XPNPEP3: variants seen among roughly 807,000 people sequenced by gnomAD.
XPNPEP3 encodes the protein X-prolyl aminopeptidase 3.
A neutral mutation model predicts 60.0 loss-of-function variants in XPNPEP3; 41 were observed. That is an observed-to-expected ratio of 0.68 (90% confidence interval 0.53 to 0.89). XPNPEP3 has a LOEUF of 0.89. Ranked by LOEUF, XPNPEP3 falls within the 40% of genes least tolerant of loss-of-function variation. The pLI, the probability that XPNPEP3 is intolerant of heterozygous loss-of-function variation, is 0.00. For missense variants in XPNPEP3, 598 were observed against 638.9 expected, an observed-to-expected ratio of 0.94 and a Z score of 0.69; for synonymous variants, 212 against 223.2, an observed-to-expected ratio of 0.95 and a Z score of 0.45.
intron 2 of XPNPEP3, chr22:40,870,360 T>C (rs1234652574): frequency 4.2e-6 from 1 of 237,124 alleles, no homozygotes; most frequent in Non-Finnish European, 8.6e-6. Context: ...GTATCTAGAT[T>C]TTTTTGCTCT....
intron 4 of XPNPEP3, among the ~76,000 whole-genome samples, chr22:40,904,223 G>C (rs2058145750): frequency 6.6e-6 from 1 of 152,132 alleles, no homozygotes; most frequent in Non-Finnish European, 1.5e-5. Flanking sequence ...GGTAGCATTT[G>C]AACTGCATAT....
At chr22:40,924,775 A>C (rs1347167033) in intron 9 of XPNPEP3, among the ~76,000 whole-genome samples, 1 of 152,168 alleles carries the variant, frequency 6.6e-6, no homozygotes, top group Non-Finnish European at 1.5e-5. Flanking sequence ...CACCTATCTC[A>C]GTCTCCCAAA....
intron 1 of XPNPEP3, among the ~76,000 whole-genome samples, chr22:40,858,579 G>A (rs2057920126): frequency 6.9e-6 from 1 of 145,118 alleles, no homozygotes; most frequent in Admixed American, 7.0e-5. Context: ...GCCCAGGCTG[G>A]AGTGCAGTGG....
At chr22:40,909,547 T>G (rs1328548249) in intron 6 of XPNPEP3, among the ~76,000 whole-genome samples, 1 of 152,060 alleles carries the variant, frequency 6.6e-6, no homozygotes, top group Non-Finnish European at 1.5e-5. Context: ...GGTGAATCGC[T>G]TGAGGTCAGG....
chr22:40,878,835 G>A (rs570995638), intron 2 of XPNPEP3, among the ~76,000 whole-genome samples: 1 of 152,196 alleles, frequency 6.6e-6, no homozygotes, highest in Admixed American at 6.5e-5. Flanking sequence ...TGATCTGCCT[G>A]CCTCGGCCTC....
intron 7 of XPNPEP3, among the ~76,000 whole-genome samples, chr22:40,918,488 A>G (rs2058204537): frequency 6.6e-6 from 1 of 152,126 alleles, no homozygotes; most frequent in Admixed American, 6.5e-5. Flanking sequence ...CCTAGCCAAC[A>G]TGGTGAAACC....
intron 2 of XPNPEP3, among the ~76,000 whole-genome samples, chr22:40,877,228 C>T (rs1467854705): frequency 1.3e-5 from 2 of 152,130 alleles, no homozygotes; most frequent in Non-Finnish European, 2.9e-5. Flanking sequence ...GCCTGTTTTA[C>T]ATTATAAAGG....
intron 7 of XPNPEP3, among the ~76,000 whole-genome samples, chr22:40,916,407 A>G (rs2058196574): frequency 6.6e-6 from 1 of 152,188 alleles, no homozygotes; most frequent in East Asian, 1.9e-4. Context: ...GAGCAAACAG[A>G]TGGAGAATCT....
At chr22:40,863,583 A>G (rs1223581180) in intron 1 of XPNPEP3, among the ~76,000 whole-genome samples, 2 of 152,200 alleles carry the variant, frequency 1.3e-5, no homozygotes, top group Non-Finnish European at 2.9e-5. Context: ...TGAAATGCTT[A>G]AAACTCAATT....
At chr22:40,903,910 AC>A (rs1275082138) in intron 4 of XPNPEP3, among the ~76,000 whole-genome samples, 5 of 138,966 alleles carry the variant, frequency 3.6e-5, no homozygotes, top group African/African-American at 1.3e-4. Context: ...ACACACACAC[AC>A]AAGTTTCATG....
intron 4 of XPNPEP3, among the ~76,000 whole-genome samples, chr22:40,899,249 G>C (rs758001127): frequency 6.6e-6 from 1 of 152,008 alleles, no homozygotes; most frequent in Non-Finnish European, 1.5e-5. Flanking sequence ...CAGTTTCTTT[G>C]GGTTAGAGCT....
At chr22:40,868,958 A>G (rs1569015368) in intron 1 of XPNPEP3, 41 bp from the exon 2 acceptor site, 2 of 1,513,930 alleles carry the variant, frequency 1.3e-6, no homozygotes, top group Admixed American at 3.3e-5. Context: ...AAGACTTTCT[A>G]GATCTATTGT....
At chr22:40,861,203 G>T (rs1426521646) in intron 1 of XPNPEP3, 1 of 1,613,742 alleles carries the variant, frequency 6.2e-7, no homozygotes, top group African/African-American at 1.3e-5. Context: ...CCTCATCATT[G>T]TCCACGAAAG....
intron 1 of XPNPEP3, among the ~76,000 whole-genome samples, chr22:40,862,950 A>G (rs1357302029): frequency 6.6e-6 from 1 of 152,298 alleles, no homozygotes; most frequent in Middle Eastern, 3.4e-3. Flanking sequence ...AAAAATAGCA[A>G]TGTGCTGGGG....
chr22:40,877,448 C>T (rs2058031773), intron 2 of XPNPEP3, among the ~76,000 whole-genome samples: 1 of 152,160 alleles, frequency 6.6e-6, no homozygotes, highest in Non-Finnish European at 1.5e-5. Context: ...CATCCATTTT[C>T]AGTCTTTGTT....
chr22:40,916,184 C>A (rs2058195379), intron 7 of XPNPEP3, among the ~76,000 whole-genome samples: 1 of 151,572 alleles, frequency 6.6e-6, no homozygotes, highest in Non-Finnish European at 1.5e-5. Flanking sequence ...CCCAGCTACT[C>A]GGGAGGCTGA....
intron 8 of XPNPEP3, 67 bp from the exon 9 acceptor site, chr22:40,924,295 A>T: frequency 6.2e-7 from 1 of 1,604,918 alleles, no homozygotes; most frequent in Non-Finnish European, 8.5e-7. Flanking sequence ...TCACTGATTT[A>T]TACTTGCCCA....
chr22:40,904,470 C>G (rs373100912), intron 4 of XPNPEP3, among the ~76,000 whole-genome samples: 7 of 152,046 alleles, frequency 4.6e-5, no homozygotes, highest in East Asian at 1.9e-4. Flanking sequence ...CCCAGGAGTT[C>G]AAGACAGTAG....
chr22:40,880,844 T>G (rs1376164648), intron 2 of XPNPEP3, among the ~76,000 whole-genome samples: 1 of 151,794 alleles, frequency 6.6e-6, no homozygotes, highest in Non-Finnish European at 1.5e-5. Context: ...TTGTATAGTT[T>G]CATTATATAA....
Sources: gnomAD v4.1 joint callset for allele counts (sites outside exome capture counted in the v4.1 genomes callset) on GRCh38, gnomAD v4.1.1 for gene constraint, MANE v1.5 for transcripts, NCBI Gene and HGNC (gene_info 2026-07-23, HGNC 2026-07-21) for gene names.